Variants in KLF17 observed in about 807,000 individuals in gnomAD.
KLF17 encodes the protein KLF transcription factor 17, also known as Krueppel-like factor 17.
KLF17 carries 31 observed loss-of-function variants against 34.2 expected under a neutral mutation model. The ratio of observed to expected loss-of-function variants is 0.91; its 90% CI spans 0.68 to 1.22. KLF17 has a LOEUF of 1.22. KLF17 is among the 50% of genes most tolerant of loss of function. KLF17 has a pLI of 0.00. For missense variants in KLF17, 478 were observed against 505.2 expected (o/e 0.95, Z 0.52); for synonymous variants, 179 against 186.7 (o/e 0.96, Z 0.34).
chr1:44,079,654 CT>C, the KLF17 span, among the ~76,000 whole-genome samples: 41 of 152,174 alleles, frequency 2.7e-4, 1 homozygote, highest in East Asian at 7.9e-3. Context: ...GGTATGGTTT[CT>C]TTTTCCTGAC....
chr1:44,119,356 T>A (rs2087919961), intron 1 of KLF17, among the ~76,000 whole-genome samples: 1 of 143,988 alleles, frequency 6.9e-6, no homozygotes. Context: ...GGGACTTGAG[T>A]AGGCAGGACA....
At chr1:44,053,404 G>GT in the KLF17 span, among the ~76,000 whole-genome samples, 1 of 151,988 alleles carries the variant, frequency 6.6e-6, no homozygotes, top group Non-Finnish European at 1.5e-5. Flanking sequence ...TCTCTTAGCT[G>GT]TTCCCCCATG....
chr1:44,133,472 G>C lies in KLF17; in HGVS notation c.*235G>C, dbSNP rs1301984368. On this transcript the variant is annotated 3_prime_UTR_variant, in exon 4 of 4. Transcript: ENST00000372299. ...CTCCATCAGACCCAAAGGACTCATG[G>C]GGGCTAGCTGCACCTCACATTTCTT... 2.6e-5 allele frequency: 4 copies of C among 152,228 alleles called. No homozygotes were observed. Among genetic ancestry groups the C allele is most frequent in the Non-Finnish European group, 5.9e-5 (4 of 68,064 alleles). 9.4% of individuals were successfully genotyped at this position (152,228 alleles called of 1,614,324 possible). A position where few individuals can be genotyped will look rare whatever the true frequency, so the allele number is the denominator to read the frequency against.
the KLF17 span, among the ~76,000 whole-genome samples, chr1:44,112,292 C>T: frequency 6.6e-6 from 1 of 152,210 alleles, no homozygotes; most frequent in Non-Finnish European, 1.5e-5. Flanking sequence ...ACCTTCAAAA[C>T]CTGGCTCTGA....
At chr1:44,073,726 T>C in the KLF17 span, among the ~76,000 whole-genome samples, 2 of 152,010 alleles carry the variant, frequency 1.3e-5, no homozygotes, top group Admixed American at 1.3e-4. Flanking sequence ...TGGGGAGCCC[T>C]TCCTAAGGCA....
the KLF17 span, among the ~76,000 whole-genome samples, chr1:44,083,944 T>C: frequency 6.6e-6 from 1 of 152,234 alleles, no homozygotes; most frequent in South Asian, 2.1e-4. Flanking sequence ...GCTTCTTTCC[T>C]CTGATTAGTC....
chr1:44,118,442 C>T (rs1276613600), upstream of KLF17, among the ~76,000 whole-genome samples: 1 of 152,164 alleles, frequency 6.6e-6, no homozygotes, highest in Admixed American at 6.5e-5. Flanking sequence ...AAGATCCCGA[C>T]CTGAGAGAGT....
chr1:44,088,261 G>A, the KLF17 span: 1 of 152,288 alleles, frequency 6.6e-6, no homozygotes, highest in Non-Finnish European at 1.5e-5. Flanking sequence ...TGGAACTATA[G>A]GCGCCACTAT....
At chr1:44,103,235 C>T in the KLF17 span, 2 of 659,290 alleles carry the variant, frequency 3.0e-6, no homozygotes, top group Admixed American at 2.2e-5. Context: ...TGCTCCCCTG[C>T]ACAGCGGCCT....
chr1:44,087,697 G>A, the KLF17 span, among the ~76,000 whole-genome samples: 1 of 138,658 alleles, frequency 7.2e-6, no homozygotes, highest in Admixed American at 7.5e-5. Flanking sequence ...TATGCAGAGA[G>A]CTCTCTGGTG....
At chr1:44,091,734 T>C in the KLF17 span, among the ~76,000 whole-genome samples, 1 of 150,980 alleles carries the variant, frequency 6.6e-6, no homozygotes, top group Non-Finnish European at 1.5e-5. Context: ...TATTAGTATA[T>C]TCTTAAAATA....
chr1:44,087,728 A>T, the KLF17 span, among the ~76,000 whole-genome samples: 125 of 55,408 alleles, frequency 2.3e-3, 4 homozygotes, highest in East Asian at 0.018. Context: ...TATATTTTAT[A>T]TATATATATA....
chr1:44,092,452 A>G, the KLF17 span, among the ~76,000 whole-genome samples: 9 of 152,138 alleles, frequency 5.9e-5, no homozygotes, highest in Non-Finnish European at 8.8e-5. Flanking sequence ...AACAGATTAA[A>G]CGTTTCTATA....
the KLF17 span, chr1:44,110,299 T>G: frequency 1.3e-5 from 2 of 152,186 alleles, no homozygotes; most frequent in Non-Finnish European, 2.9e-5. Flanking sequence ...GAAGTAAAGG[T>G]AGACAGACTA....
At chr1:44,045,920 C>T in the KLF17 span, 1 of 152,138 alleles carries the variant, frequency 6.6e-6, no homozygotes, top group Non-Finnish European at 1.5e-5. Flanking sequence ...CTAAGCTGCA[C>T]ATAACTCAAT....
the KLF17 span, chr1:44,104,650 T>C: frequency 2.0e-6 from 1 of 490,386 alleles, no homozygotes; most frequent in Non-Finnish European, 3.8e-6. Flanking sequence ...TGCTGCCCAG[T>C]AGGGAGAAGC....
At chr1:44,044,313 G>A in the KLF17 span, among the ~76,000 whole-genome samples, 1 of 152,200 alleles carries the variant, frequency 6.6e-6, no homozygotes, top group African/African-American at 2.4e-5. Flanking sequence ...TGGGGTTTTC[G>A]ATAACACAGG....
chr1:44,054,866 G>T, the KLF17 span, among the ~76,000 whole-genome samples: 1 of 144,834 alleles, frequency 6.9e-6, no homozygotes, highest in East Asian at 2.0e-4. Context: ...TGCAACCTCT[G>T]CCTCCTGGGT....
At chr1:44,069,172 T>G in the KLF17 span, among the ~76,000 whole-genome samples, 1 of 152,072 alleles carries the variant, frequency 6.6e-6, no homozygotes. This position sits in a 1 kb window ranked among gnomAD's most constrained non-coding sequence, Gnocchi z 4.7. Context: ...AGGAGATGGA[T>G]AGGACACTCC....
Sources: gnomAD v4.1 joint callset for allele counts (sites outside exome capture counted in the v4.1 genomes callset) on GRCh38, gnomAD v4.1.1 for gene constraint, Gnocchi (gnomAD v3.1) non-coding constraint, MANE v1.5 for transcripts, NCBI Gene and HGNC (gene_info 2026-07-23, HGNC 2026-07-21) for gene names.